TMEM272: variants seen among roughly 807,000 people sequenced by gnomAD.
TMEM272 encodes transmembrane protein 272.
TMEM272 carries 8 observed loss-of-function variants against 3.7 expected under a neutral mutation model. That is an observed-to-expected ratio of 2.17 (90% CI 1.27 to 3.91). The LOEUF (loss-of-function observed/expected upper bound fraction) is 3.91. Ranked by LOEUF, TMEM272 falls within the 30% of genes most tolerant of loss-of-function variation. The probability of loss-of-function intolerance (pLI) is 0.00; values close to 1 mark genes in which losing one functional copy is unlikely to be tolerated. For missense variants in TMEM272, 166 were observed against 91.5 expected (o/e 1.81, Z -3.32); for synonymous variants, 63 against 39.8 (o/e 1.58, Z -2.20).
chr13:51,825,866 C>T (rs1956120614), intron 3 of TMEM272, among the ~76,000 whole-genome samples: 1 of 152,040 alleles, frequency 6.6e-6, no homozygotes, highest in Admixed American at 6.6e-5. Context: ...GCCTCAGCCC[C>T]ACTAACTGCT....
the TMEM272 span, among the ~76,000 whole-genome samples, chr13:51,904,180 T>G: frequency 6.6e-6 from 1 of 152,150 alleles, no homozygotes; most frequent in Non-Finnish European, 1.5e-5. Flanking sequence ...GTTGCCTGCT[T>G]TGCAGTGATG....
chr13:51,928,458 G>A, the TMEM272 span, among the ~76,000 whole-genome samples: 1 of 152,146 alleles, frequency 6.6e-6, no homozygotes, highest in Admixed American at 6.5e-5. Flanking sequence ...ATCCCCATTT[G>A]TGCAGATGAG....
At chr13:51,929,881 G>C in the TMEM272 span, among the ~76,000 whole-genome samples, 3 of 152,258 alleles carry the variant, frequency 2.0e-5, no homozygotes, top group Non-Finnish European at 2.9e-5. Context: ...TCAGCAGCCT[G>C]GAGGTATTTG....
the TMEM272 span, among the ~76,000 whole-genome samples, chr13:51,862,947 C>T: frequency 6.6e-6 from 1 of 152,348 alleles, no homozygotes; most frequent in East Asian, 1.9e-4. Context: ...GTCAGGAAGA[C>T]ATGTCCACAC....
At chr13:51,826,709 CT>C in intron 2 of TMEM272, 84 bp from the exon 3 acceptor site, 2 of 691,268 alleles carry the variant, frequency 2.9e-6, no homozygotes, top group South Asian at 1.5e-5. Context: ...CTTAAGCATC[CT>C]GTGAAACCTG....
the TMEM272 span, among the ~76,000 whole-genome samples, chr13:51,884,712 T>C: frequency 6.6e-6 from 1 of 152,184 alleles, no homozygotes; most frequent in Admixed American, 6.5e-5. Flanking sequence ...TGTGAGAGCT[T>C]GAAAATTTTC....
At chr13:51,908,676 T>A in the TMEM272 span, 1 of 1,472,756 alleles carries the variant, frequency 6.8e-7, no homozygotes, top group Non-Finnish European at 9.5e-7. Flanking sequence ...CATTGACCCA[T>A]CCATTTTATC....
chr13:51,851,941 T>C, the TMEM272 span, among the ~76,000 whole-genome samples: 1 of 152,378 alleles, frequency 6.6e-6, no homozygotes. Context: ...TTACAAACAA[T>C]ACTCCGATGA....
At chr13:51,847,913 A>G (rs1318860905), upstream of TMEM272, among the ~76,000 whole-genome samples, 2 of 152,218 alleles carry the variant, frequency 1.3e-5, no homozygotes, top group African/African-American at 4.8e-5. Flanking sequence ...GTCCCCAAAC[A>G]TGCAGCAAAA....
the TMEM272 span, among the ~76,000 whole-genome samples, chr13:51,903,242 CTTTA>C: frequency 3.9e-5 from 6 of 152,202 alleles, no homozygotes; most frequent in East Asian, 1.9e-4. Flanking sequence ...TCTAGAGACA[CTTTA>C]TTTATTACTC....
chr13:51,909,772 C>A, the TMEM272 span: 1 of 1,575,384 alleles, frequency 6.3e-7, no homozygotes, highest in South Asian at 1.1e-5. Context: ...TCCGTTATGT[C>A]TTCTTCCAGC....
chr13:51,855,120 G>T, the TMEM272 span, among the ~76,000 whole-genome samples: 13 of 152,210 alleles, frequency 8.5e-5, no homozygotes, highest in Non-Finnish European at 1.3e-4. Context: ...GAAAGGCTGA[G>T]AAGTCTGAAC....
chr13:51,825,618 T>C (rs1956117801), intron 3 of TMEM272, among the ~76,000 whole-genome samples: 1 of 132,934 alleles, frequency 7.5e-6, no homozygotes, highest in Admixed American at 8.4e-5. Flanking sequence ...GCTGAGCTGC[T>C]TCTTTTTTGT....
the TMEM272 span, chr13:51,865,894 G>C: frequency 3.1e-6 from 5 of 1,613,746 alleles, no homozygotes; most frequent in Non-Finnish European, 4.2e-6. Flanking sequence ...CCCTCCTTGA[G>C]GGGGAGAAAG....
At chr13:51,837,517 G>A (rs1566351444) in intron 2 of TMEM272, among the ~76,000 whole-genome samples, 4 of 152,212 alleles carry the variant, frequency 2.6e-5, no homozygotes, top group Admixed American at 2.6e-4. Flanking sequence ...TAAAATGTCA[G>A]GGCTGTGCGT....
At chr13:51,905,066 C>T in the TMEM272 span, among the ~76,000 whole-genome samples, 2 of 152,176 alleles carry the variant, frequency 1.3e-5, no homozygotes, top group Non-Finnish European at 2.9e-5. Flanking sequence ...GTGGACATTA[C>T]CAAATGCTCC....
chr13:51,895,183 A>G, the TMEM272 span, among the ~76,000 whole-genome samples: 89 of 152,162 alleles, frequency 5.8e-4, 1 homozygote, highest in Admixed American at 5.9e-4. Context: ...GTACTGGTCC[A>G]TAGCCCAGGG....
chr13:51,910,094 T>C, the TMEM272 span: 24 of 1,090,786 alleles, frequency 2.2e-5, no homozygotes, highest in Non-Finnish European at 3.1e-5. Context: ...ACTCATCTTC[T>C]AGAGACTGTA....
the TMEM272 span, among the ~76,000 whole-genome samples, chr13:51,853,969 G>C: frequency 6.6e-6 from 1 of 152,014 alleles, no homozygotes; most frequent in Non-Finnish European, 1.5e-5. Flanking sequence ...TTGAAAATTG[G>C]CAAGAATGGT....
Sources: allele counts gnomAD v4.1 joint callset (sites outside exome capture counted in the v4.1 genomes callset), GRCh38; gene constraint gnomAD v4.1.1; transcripts MANE v1.5; gene names NCBI Gene and HGNC (gene_info 2026-07-23, HGNC 2026-07-21).